HACD1: variants seen among roughly 807,000 people sequenced by gnomAD.
HACD1 encodes the protein very-long-chain (3R)-3-hydroxyacyl-CoA dehydratase 1.
HACD1 carries 41 observed loss-of-function variants against 32.0 expected under a neutral mutation model. The observed-to-expected ratio is 1.28, with a 90% CI of 1.00 to 1.66. HACD1 has a LOEUF of 1.66. Ranked by LOEUF, HACD1 falls within the 40% of genes most tolerant of loss-of-function variation. The pLI is 0.00. For synonymous variants in HACD1, 142 were observed against 139.0 expected, an observed-to-expected ratio of 1.02 and a Z score of -0.15; for missense variants, 396 against 380.1, an observed-to-expected ratio of 1.04 and a Z score of -0.35.
chr10:17,591,976 A>AATTTTTT (rs1833933560), intron 6 of HACD1, among the ~76,000 whole-genome samples: 3 of 96,942 alleles, frequency 3.1e-5, no homozygotes, highest in African/African-American at 1.3e-4. Context: ...CCAGCTACTG[A>AATTTTTT]TTTTTTTTTT....
In HACD1 at chr10:17,617,351, A is replaced by C. The variant is rs1361061797; in HGVS notation, c.-12T>G. The C allele has an allele frequency of 8.1e-6, 11 of 1,364,078 alleles. No individual in the cohort carries two copies. The highest frequency in any genetic ancestry group is 1.0e-5 in the Non-Finnish European group (11 of 1,064,748). The allele number at this position is 1,364,078 out of a possible 1,614,324, so 84.5% of individuals were successfully genotyped here. A position where few individuals can be genotyped will look rare whatever the true frequency, so the allele number is the denominator to read the frequency against. On this transcript the variant is annotated 5_prime_UTR_variant, in exon 1 of 7. Coordinates refer to ENST00000361271, the MANE Select transcript of HACD1 (RefSeq NM_014241.4). ...GTCAGGCGCCCCATGTGCAGCGCGC[A>C]GGGGGCTCGGCGCAGCCAGCTCTAC...
intron 6 of HACD1, among the ~76,000 whole-genome samples, chr10:17,591,072 G>C (rs1833922185): frequency 6.6e-6 from 1 of 152,084 alleles, no homozygotes; most frequent in South Asian, 2.1e-4. Context: ...TGAACTCTTT[G>C]GAATGCTGCG....
At chr10:17,611,634 G>A (rs969151253) in intron 1 of HACD1, among the ~76,000 whole-genome samples, 3 of 152,182 alleles carry the variant, frequency 2.0e-5, no homozygotes, top group Non-Finnish European at 4.4e-5. Context: ...GGGAGGGAGA[G>A]AAATGCTCAC....
At chr10:17,601,763 A>G (rs1485210575) in intron 4 of HACD1, among the ~76,000 whole-genome samples, 1 of 152,184 alleles carries the variant, frequency 6.6e-6, no homozygotes, top group Non-Finnish European at 1.5e-5. Context: ...GCTCACTGCT[A>G]TCTGCACTAT....
chr10:17,615,647 G>A (rs372053158), intron 1 of HACD1: 36 of 186,012 alleles, frequency 1.9e-4, no homozygotes, highest in East Asian at 1.3e-3. Flanking sequence ...CACAGTGAGA[G>A]GCCATCTCTA....
At chr10:17,607,760 T>G (rs1251900078) in intron 1 of HACD1, among the ~76,000 whole-genome samples, 1 of 152,128 alleles carries the variant, frequency 6.6e-6, no homozygotes, top group Non-Finnish European at 1.5e-5. Flanking sequence ...TAAAAGAAAT[T>G]GACAGGCTCA....
chr10:17,592,194 C>A (rs1833938141), intron 6 of HACD1, among the ~76,000 whole-genome samples: 1 of 151,794 alleles, frequency 6.6e-6, no homozygotes. Flanking sequence ...GGTGGTCAGG[C>A]TGGTCTTGAA....
chr10:17,599,293 G>C lies in HACD1; in HGVS notation c.602C>G (p.Ala201Gly). ...CTAAACTGCAAGATATCGCCACCTG[G>C]CCCATTTAATGAAGTATGGCAAGTG... Reference protein sequence around the residue: ...LDHLPYFIKWARYNFFIILYP... With the variant: ...LDHLPYFIKWGRYNFFIILYP... The change falls in exon 5 of 7, where the codon GCC becomes GGC. Residue 201 changes from alanine to glycine, a missense_variant. Coordinates refer to ENST00000361271, the MANE Select transcript of HACD1 (RefSeq NM_014241.4). 1 of 1,613,738 alleles carries C rather than the reference G, an allele frequency of 6.2e-7. No homozygotes were observed. Among genetic ancestry groups the C allele is most frequent in the African/African-American group, 1.3e-5 (1 of 75,032 alleles).
intron 1 of HACD1, among the ~76,000 whole-genome samples, chr10:17,605,224 A>G (rs1304073952): frequency 6.6e-6 from 1 of 152,074 alleles, no homozygotes; most frequent in Non-Finnish European, 1.5e-5. Flanking sequence ...CTGAACTTAC[A>G]CTTTAAAAAG....
At position 17,611,967 on chromosome 10, in the gene HACD1, G is replaced by GA. The variant is rs782494727; in HGVS notation, c.257+5115dup. 1.1e-3 allele frequency among the ~76,000 whole-genome samples: 159 copies of GA among 140,428 alleles called. 2 individuals carry two copies. In the South Asian group the frequency reaches 0.016, roughly 14 times the overall value. The allele number at this position is 140,428 out of a possible 152,430, so 92.1% of individuals were successfully genotyped here. ...GGGTGACAGAGCGAGACTCTGTCTTGAAAAAAAAAAAAATCCTTACATCTG... is the reference window on the plus strand; with the variant it reads ...GGGTGACAGAGCGAGACTCTGTCTTGAAAAAAAAAAAAAATCCTTACATCTG... On this transcript the variant is annotated intron_variant, in intron 1 of 6. Transcript: ENST00000361271.
At chr10:17,597,252 T>C (rs1834006290) in intron 5 of HACD1, among the ~76,000 whole-genome samples, 1 of 152,158 alleles carries the variant, frequency 6.6e-6, no homozygotes, top group Non-Finnish European at 1.5e-5. Context: ...GTTCAAGCAA[T>C]TCTCCTGCCT....
At chr10:17,615,922 C>T (rs987148468) in intron 1 of HACD1, 10 of 383,824 alleles carry the variant, frequency 2.6e-5, no homozygotes, top group Admixed American at 8.9e-5. Context: ...GAGCGGAGAT[C>T]GCGCCAATGC....
chr10:17,604,158 G>C (rs1480831806), intron 1 of HACD1, 111 bp from the exon 2 acceptor site: 4 of 777,126 alleles, frequency 5.1e-6, no homozygotes, highest in Non-Finnish European at 8.4e-6. Flanking sequence ...AAGCAACCCA[G>C]GTGTCCATAA....
rs143529181 is a variant in HACD1 at position 17,601,787 on chromosome 10, G to A, written c.483+1773C>T. Among the ~76,000 whole-genome samples the A allele has an allele frequency of 2.4e-4, 36 of 152,228 alleles. 1 individual carries two copies. In the East Asian group the frequency reaches 4.8e-3, roughly 20 times the overall value. ...TATCTGCACTATCTGCATGGCAGTC[G>A]CTGTTTAGGGTGCAGGTAAATCATG... On this transcript the variant is annotated intron_variant, in intron 4 of 6. Transcript: ENST00000361271.
rs781890481 is a variant in HACD1 at position 17,617,272 on chromosome 10, G to A, written c.68C>T (p.Pro23Leu). The part of the protein sequence containing the change: ...GSRAAGWAGS[P>L]PTLLPLSPTS... ...GGGAGACAGCGGCAGGAGCGTGGGA[G>A]GGGACCCTGCCCAGCCTGCAGCCCG... Residue 23 changes from proline to leucine, a missense_variant, in exon 1 of 7, where the codon CCT (proline) becomes CTT (leucine). Physicochemically the swap from Pro to Leu is moderately conservative, Grantham distance 98 (BLOSUM62 -3). Coordinates refer to ENST00000361271, the MANE Select transcript of HACD1 (RefSeq NM_014241.4). 1 of 1,471,794 alleles carries A rather than the reference G, an allele frequency of 6.8e-7. No homozygotes were observed. Among genetic ancestry groups the A allele is most frequent in the Non-Finnish European group, 8.9e-7 (1 of 1,117,388 alleles). 91.2% of individuals were successfully genotyped at this position (1,471,794 alleles called of 1,614,324 possible).
At position 17,596,286 on chromosome 10, in the gene HACD1, C is replaced by T. The variant is rs528493209; in HGVS notation, c.606-1903G>A. 1.8e-3 allele frequency among the ~76,000 whole-genome samples: 277 copies of T among 152,290 alleles called. 1 individual carries two copies. The highest frequency in any genetic ancestry group is 6.4e-3 in the African/African-American group (267 of 41,546). On this transcript the variant is annotated intron_variant, in intron 5 of 6. Coordinates refer to ENST00000361271, the MANE Select transcript of HACD1 (RefSeq NM_014241.4). ...AAAGAAGAATGATTCCTTCACTGTACCTGTTAATCCCTTCTTGGCCTTGGA... is the reference window on the plus strand; with the variant it reads ...AAAGAAGAATGATTCCTTCACTGTATCTGTTAATCCCTTCTTGGCCTTGGA...
chr10:17,614,564 A>T (rs897594965), intron 1 of HACD1, among the ~76,000 whole-genome samples: 2 of 151,918 alleles, frequency 1.3e-5, no homozygotes, highest in African/African-American at 4.8e-5. Context: ...AAAATTTTCA[A>T]ATTAGCTGAG....
intron 1 of HACD1, among the ~76,000 whole-genome samples, chr10:17,612,905 A>C (rs1200599601): frequency 6.8e-6 from 1 of 146,662 alleles, no homozygotes; most frequent in African/African-American, 2.6e-5. Flanking sequence ...TGGGTGATAG[A>C]GCAAGACTCC....
intron 6 of HACD1, among the ~76,000 whole-genome samples, chr10:17,590,897 A>C (rs1588981468): frequency 6.6e-6 from 1 of 151,256 alleles, no homozygotes; most frequent in Admixed American, 6.6e-5. Context: ...CTGGTCTTGA[A>C]CTCCTGGCCT....
Sources: allele counts gnomAD v4.1 joint callset (sites outside exome capture counted in the v4.1 genomes callset), GRCh38; gene constraint gnomAD v4.1.1; transcripts MANE v1.5; gene names NCBI Gene and HGNC (gene_info 2026-07-23, HGNC 2026-07-21).